Variants in CCDC171 observed in about 807,000 individuals in gnomAD.
CCDC171 encodes the protein coiled-coil domain containing 171.
CCDC171 carries 177 observed loss-of-function variants against 168.2 expected under a neutral mutation model. That is an observed-to-expected ratio of 1.05 (90% confidence interval 0.93 to 1.19). The LOEUF (loss-of-function observed/expected upper bound fraction) is 1.19. CCDC171 is among the 50% of genes most tolerant of loss of function. CCDC171 has a pLI of 0.00. For missense variants in CCDC171, 1,991 were observed against 1,539.0 expected, an observed-to-expected ratio of 1.29 and a Z score of -4.91; for synonymous variants, 687 against 540.8, an observed-to-expected ratio of 1.27 and a Z score of -3.75.
chr9:15,582,821 T>C (rs1307268688), intron 4 of CCDC171, among the ~76,000 whole-genome samples: 2 of 151,328 alleles, frequency 1.3e-5, no homozygotes, highest in Non-Finnish European at 2.9e-5. Flanking sequence ...TCAGGAGAAA[T>C]ACTTAATGTA....
At chr9:16,003,573 T>C (rs1347393018) in intron 3 of CCDC171, among the ~76,000 whole-genome samples, 1 of 152,152 alleles carries the variant, frequency 6.6e-6, no homozygotes, top group African/African-American at 2.4e-5. Context: ...GGGTAAGGGA[T>C]GGAGGGGCAC....
At chr9:15,796,270 A>C (rs1388243819) in intron 21 of CCDC171, among the ~76,000 whole-genome samples, 4 of 152,200 alleles carry the variant, frequency 2.6e-5, no homozygotes, top group Non-Finnish European at 1.5e-5. Flanking sequence ...AAGAAAGCTG[A>C]GGAAATAACA....
chr9:15,680,894 AG>A (rs1366928543), intron 10 of CCDC171, among the ~76,000 whole-genome samples: 1 of 152,192 alleles, frequency 6.6e-6, no homozygotes, highest in African/African-American at 2.4e-5. Context: ...AAAATGCAAG[AG>A]TTAAGACATA....
intron 6 of CCDC171, among the ~76,000 whole-genome samples, chr9:16,023,129 T>G (rs1306580983): frequency 6.6e-6 from 1 of 152,070 alleles, no homozygotes; most frequent in African/African-American, 2.4e-5. Flanking sequence ...AGTCTCACTC[T>G]GTCGCCCAGG....
intron 6 of CCDC171, among the ~76,000 whole-genome samples, chr9:15,622,134 G>A (rs560535518): frequency 1.3e-5 from 2 of 152,138 alleles, no homozygotes; most frequent in African/African-American, 2.4e-5. Flanking sequence ...CTGCCTGAGG[G>A]TGGAGAGTGG....
intron 25 of CCDC171, among the ~76,000 whole-genome samples, chr9:15,925,134 A>G (rs1333817361): frequency 2.0e-5 from 3 of 151,666 alleles, no homozygotes; most frequent in Non-Finnish European, 4.4e-5. Flanking sequence ...TATTTTTCAT[A>G]TAATCACACT....
At chr9:16,067,644 G>C in the CCDC171 span, among the ~76,000 whole-genome samples, 8 of 152,134 alleles carry the variant, frequency 5.3e-5, no homozygotes, top group Admixed American at 4.6e-4. Context: ...TTTGTATAAG[G>C]TGTAAGGAAG....
chr9:15,824,674 A>G (rs530652269), intron 21 of CCDC171, among the ~76,000 whole-genome samples: 14 of 152,214 alleles, frequency 9.2e-5, no homozygotes, highest in African/African-American at 3.4e-4. Context: ...AAGCTGGCTA[A>G]TTTCTATCCT....
At chr9:15,650,166 G>T (rs923787583) in intron 7 of CCDC171, among the ~76,000 whole-genome samples, 3 of 152,052 alleles carry the variant, frequency 2.0e-5, no homozygotes, top group Non-Finnish European at 2.9e-5. Context: ...ACCAAACACC[G>T]CATGTTCTCA....
intron 24 of CCDC171, among the ~76,000 whole-genome samples, chr9:15,895,116 G>A (rs1935223): frequency 0.8 from 121,960 of 152,068 alleles, 49,619 homozygotes; most frequent in East Asian, 0.96. Context: ...TGCCTGTAAG[G>A]AAGTTATTTA....
chr9:15,582,089 AAAAC>A (rs1346112669), intron 4 of CCDC171, among the ~76,000 whole-genome samples: 1 of 152,174 alleles, frequency 6.6e-6, no homozygotes, highest in Non-Finnish European at 1.5e-5. Context: ...TTACAAGAAA[AAAAC>A]AATCTCATCA....
intron 13 of CCDC171, 57 bp from the exon 14 acceptor site, chr9:15,724,719 C>T (rs1392652828): frequency 2.7e-6 from 3 of 1,105,836 alleles, no homozygotes; most frequent in Admixed American, 1.7e-5. Flanking sequence ...TACTAGTGTC[C>T]CCTCACCCCT....
intron 22 of CCDC171, among the ~76,000 whole-genome samples, chr9:15,848,415 T>C (rs191695304): frequency 6.6e-6 from 1 of 152,064 alleles, no homozygotes; most frequent in East Asian, 1.9e-4. Context: ...TTCTGTGTAA[T>C]TATTATAGCA....
At chr9:15,831,197 CT>C in intron 21 of CCDC171, among the ~76,000 whole-genome samples, 2 of 151,918 alleles carry the variant, frequency 1.3e-5, no homozygotes, top group Non-Finnish European at 2.9e-5. Flanking sequence ...TGGTCTCGAA[CT>C]CCTAACCTTG....
intron 2 of CCDC171, among the ~76,000 whole-genome samples, chr9:15,567,885 C>G (rs2132639902): frequency 6.6e-6 from 1 of 152,168 alleles, no homozygotes; most frequent in East Asian, 1.9e-4. Context: ...AACTCCTGGC[C>G]TCAAGTGATC....
intron 6 of CCDC171, among the ~76,000 whole-genome samples, chr9:15,614,327 G>T (rs1587422527): frequency 6.6e-6 from 1 of 152,160 alleles, no homozygotes; most frequent in East Asian, 1.9e-4. Flanking sequence ...TAGGCTGCTG[G>T]ATTCCATAAG....
At chr9:15,911,431 A>G (rs1284617568) in intron 24 of CCDC171, among the ~76,000 whole-genome samples, 1 of 152,156 alleles carries the variant, frequency 6.6e-6, no homozygotes, top group Non-Finnish European at 1.5e-5. Flanking sequence ...AGTCCCTTGT[A>G]GATTCTGGAT....
chr9:15,960,556 G>T (rs1382835386), intron 25 of CCDC171, among the ~76,000 whole-genome samples: 1 of 152,220 alleles, frequency 6.6e-6, no homozygotes, highest in African/African-American at 2.4e-5. Context: ...ATATTTTACT[G>T]TTACATAAGA....
chr9:15,838,953 A>G (rs1273067582), intron 21 of CCDC171, among the ~76,000 whole-genome samples: 2 of 152,290 alleles, frequency 1.3e-5, no homozygotes, highest in East Asian at 3.9e-4. Flanking sequence ...CTACAGGGAA[A>G]GTTAAGTGCT....
Sources: gnomAD v4.1 joint callset for allele counts (sites outside exome capture counted in the v4.1 genomes callset) on GRCh38, gnomAD v4.1.1 for gene constraint, MANE v1.5 for transcripts, NCBI Gene and HGNC (gene_info 2026-07-23, HGNC 2026-07-21) for gene names.